The following DYNC1I2 variants were observed in gnomAD, a reference collection of about 807,000 sequenced individuals.
DYNC1I2 encodes dynein cytoplasmic 1 intermediate chain 2, also known as cytoplasmic dynein 1 intermediate chain 2.
A neutral mutation model predicts 88.6 loss-of-function variants in DYNC1I2; 53 were observed. The ratio of observed to expected loss-of-function variants is 0.60; its 90% CI spans 0.48 to 0.75. DYNC1I2 has a LOEUF of 0.75. DYNC1I2 is among the 30% of genes least tolerant of loss of function. The pLI is 0.00. For synonymous variants in DYNC1I2, 198 were observed against 254.6 expected, an observed-to-expected ratio of 0.78 and a Z score of 2.12; for missense variants, 458 against 766.6, an observed-to-expected ratio of 0.60 and a Z score of 4.75.
At chr2:171,730,635 G>T (rs1035325895) in intron 15 of DYNC1I2, among the ~76,000 whole-genome samples, 1 of 151,640 alleles carries the variant, frequency 6.6e-6, no homozygotes, top group Non-Finnish European at 1.5e-5. Flanking sequence ...GTTTTTCTGC[G>T]GTATTAACAT....
chr2:171,694,031 A>T (rs1685575752), intron 3 of DYNC1I2, among the ~76,000 whole-genome samples: 2 of 142,008 alleles, frequency 1.4e-5, no homozygotes, highest in African/African-American at 2.6e-5. Flanking sequence ...ACTTGTTCAT[A>T]TTTCTTTCTT....
At chr2:171,700,884 G>C (rs1054949212) in intron 3 of DYNC1I2, among the ~76,000 whole-genome samples, 1 of 152,104 alleles carries the variant, frequency 6.6e-6, no homozygotes, top group Non-Finnish European at 1.5e-5. Context: ...ACCCTACTCA[G>C]CCTCCCAAAG....
chr2:171,743,959 A>C lies in DYNC1I2; in HGVS notation c.1537-90A>C, dbSNP rs537387008. The C allele has an allele frequency of 3.5e-6, 4 of 1,158,444 alleles. No individual in the cohort carries two copies. The East Asian group carries it at 1.1e-4, about 32-fold the overall frequency. The allele number at this position is 1,158,444 out of a possible 1,614,324, so 71.8% of individuals were successfully genotyped here. A position where few individuals can be genotyped will look rare whatever the true frequency, so the allele number is the denominator to read the frequency against. On this transcript the variant is annotated intron_variant, in intron 15 of 17. Transcript: ENST00000397119. ...TCATAAAATGTTATCATACCTGTTG[A>C]ATGTATGTCATTTTTTTCCCAGTGA...
chr2:171,728,528 C>T lies in DYNC1I2; in HGVS notation c.1257+110C>T, dbSNP rs117466969. On this transcript the variant is annotated intron_variant, in intron 13 of 17. Transcript: ENST00000397119. ...CTGTTTTATAGTAGTGTTACAACAG[C>T]TTATAAGCTGAAACGTGTTTAATAT... 1.9e-5 allele frequency: 15 copies of T among 806,740 alleles called. No homozygotes were observed. In the East Asian group the frequency reaches 3.4e-4, roughly 18 times the overall value. 50.0% of individuals were successfully genotyped at this position (806,740 alleles called of 1,614,324 possible). A position where few individuals can be genotyped will look rare whatever the true frequency, so the allele number is the denominator to read the frequency against.
At position 171,687,606 on chromosome 2, in the gene DYNC1I2, AC is replaced by A. The variant is rs747024919; in HGVS notation, c.-29del. 6.6e-6 allele frequency: 1 copy of A among 152,072 alleles called. No homozygotes were observed. Among genetic ancestry groups the A allele is most frequent in the Non-Finnish European group, 1.5e-5 (1 of 68,032 alleles). The allele number at this position is 152,072 out of a possible 1,614,324, so 9.4% of individuals were successfully genotyped here. ...GTTGACTGGGTTCTTTGTTTTATCT[AC>A]CGGCTTCTGCTTTACGACAGGTAAG... On this transcript the variant is annotated 5_prime_UTR_variant, in exon 1 of 18. Transcript: ENST00000397119.
intron 15 of DYNC1I2, among the ~76,000 whole-genome samples, chr2:171,734,545 C>G (rs1688873471): frequency 6.6e-6 from 1 of 152,132 alleles, no homozygotes; most frequent in South Asian, 2.1e-4. Context: ...GGATACATGC[C>G]TCTCACCCTG....
intron 3 of DYNC1I2, among the ~76,000 whole-genome samples, chr2:171,698,725 C>T (rs376429134): frequency 6.6e-5 from 10 of 151,738 alleles, no homozygotes; most frequent in East Asian, 5.9e-4. Flanking sequence ...AAAAATTAGC[C>T]GAGTGTGGTG....
rs533231958 is a variant in DYNC1I2 at position 171,729,601 on chromosome 2, T to G, written c.1392-108T>G. ...GATAAGTTATGAGCACAGAGTTAAG[T>G]CTGTCAAAATGAAGTCAAGGCCTGA... On this transcript the variant is annotated intron_variant, in intron 14 of 17. Transcript: ENST00000397119. 8 of 1,139,032 alleles carry G rather than the reference T, an allele frequency of 7.0e-6. No homozygotes were observed. In the African/African-American group the frequency reaches 9.3e-5, roughly 13 times the overall value. The allele number at this position is 1,139,032 out of a possible 1,614,324, so 70.6% of individuals were successfully genotyped here. A position where few individuals can be genotyped will look rare whatever the true frequency, so the allele number is the denominator to read the frequency against.
intron 5 of DYNC1I2, 96 bp from the exon 6 acceptor site, chr2:171,712,671 A>G (rs1687204785): frequency 1.2e-6 from 1 of 869,268 alleles, no homozygotes; most frequent in Non-Finnish European, 1.8e-6. Flanking sequence ...TTAATTGTGA[A>G]TAGTACTTTA....
Position 171,699,762 on chromosome 2 carries a change from A to G in DYNC1I2, c.227-6785A>G, listed in dbSNP as rs1574518125. ...TCAAGTCCTCCTGCCTCAGCCTCCT[A>G]AGTAGCTGGGACTACAGGCAGGTAT... On this transcript the variant is annotated intron_variant, in intron 3 of 17. Coordinates refer to ENST00000397119, the MANE Select transcript of DYNC1I2 (RefSeq NM_001378.3). Among the ~76,000 whole-genome samples the G allele has an allele frequency of 4.0e-5, 6 of 151,824 alleles. 1 individual carries two copies. In the South Asian group the frequency reaches 1.3e-3, roughly 32 times the overall value.
intron 9 of DYNC1I2, 27 bp downstream of exon 9, chr2:171,726,108 G>C (rs757640523): frequency 5.1e-6 from 8 of 1,560,486 alleles, no homozygotes; most frequent in Non-Finnish European, 6.9e-6. Context: ...AAGATTTTTA[G>C]CTTCAATAAT....
intron 15 of DYNC1I2, among the ~76,000 whole-genome samples, chr2:171,738,501 C>G (rs1214545316): frequency 6.6e-6 from 1 of 152,116 alleles, no homozygotes; most frequent in Non-Finnish European, 1.5e-5. Flanking sequence ...CATTCTACTG[C>G]TGATGGTATT....
rs191350553 is a variant in DYNC1I2, at chr2:171,696,832, A to G, written c.226+3938A>G. ...GTTTTAATTACTGCACCTTTGTATT[A>G]TATTCTAATTTCTGATACAGAAAAT... On this transcript the variant is annotated intron_variant, in intron 3 of 17. Transcript: ENST00000397119. Among the ~76,000 whole-genome samples, 397 of 152,160 alleles carry G rather than the reference A, an allele frequency of 2.6e-3. 2 individuals carry two copies. The highest frequency in any genetic ancestry group is 3.5e-3 in the Non-Finnish European group (237 of 67,984).
At chr2:171,728,663 A>G in intron 13 of DYNC1I2, 54 bp from the exon 14 acceptor site, 1 of 1,436,626 alleles carries the variant, frequency 7.0e-7, no homozygotes, top group Non-Finnish European at 9.2e-7. Context: ...GTTTTTCTAC[A>G]GAAATTTAAA....
intron 3 of DYNC1I2, among the ~76,000 whole-genome samples, chr2:171,702,375 A>G (rs1177490665): frequency 6.6e-6 from 1 of 152,210 alleles, no homozygotes; most frequent in African/African-American, 2.4e-5. Context: ...GGCTAAGTGC[A>G]TTTCATAATC....
chr2:171,728,299 C>G lies in DYNC1I2; in HGVS notation c.1144-6C>G. On this transcript the variant is annotated splice_polypyrimidine_tract_variant and splice_region_variant and intron_variant, in intron 12 of 17. Coordinates refer to ENST00000397119, the MANE Select transcript of DYNC1I2 (RefSeq NM_001378.3). Reference sequence around the variant, plus strand: ...AATCCCTGAAAACTTTTTTTAATATCTCTAGCACCCTGTATATTGTGTAAA... The same window carrying G: ...AATCCCTGAAAACTTTTTTTAATATGTCTAGCACCCTGTATATTGTGTAAA... The G allele has an allele frequency of 6.4e-7, 1 of 1,551,744 alleles. No homozygotes were observed. The highest frequency in any genetic ancestry group is 8.7e-7 in the Non-Finnish European group (1 of 1,147,550).
At position 171,748,685 on chromosome 2, in the gene DYNC1I2, A is replaced by T. The variant is rs945037769; in HGVS notation, c.*796A>T. On this transcript the variant is annotated 3_prime_UTR_variant, in exon 18 of 18. Transcript: ENST00000397119. Reference sequence around the variant, plus strand: ...TTTCCATCTAAGACATATTTCCTTTAAAGGATAAATAGAAAGCTGCCTATA... The same window carrying T: ...TTTCCATCTAAGACATATTTCCTTTTAAGGATAAATAGAAAGCTGCCTATA... Among the ~76,000 whole-genome samples the T allele has an allele frequency of 6.6e-6, 1 of 152,222 alleles. No individual in the cohort carries two copies. The highest frequency in any genetic ancestry group is 2.4e-5 in the African/African-American group (1 of 41,474).
At position 171,749,709 on chromosome 2, in the gene DYNC1I2, T is replaced by G. The variant is rs1003468811; in HGVS notation, c.*1820T>G. Reference sequence around the variant, plus strand: ...AAAATTGTTTAAATATTTCACTTTTTGGGAATGACTTCTCCCCTACTCCCC... The same window carrying G: ...AAAATTGTTTAAATATTTCACTTTTGGGGAATGACTTCTCCCCTACTCCCC... On this transcript the variant is annotated 3_prime_UTR_variant, in exon 18 of 18. Transcript: ENST00000397119. 3.3e-5 allele frequency among the ~76,000 whole-genome samples: 5 copies of G among 152,200 alleles called. No individual in the cohort carries two copies. Among genetic ancestry groups the G allele is most frequent in the African/African-American group, 1.2e-4 (5 of 41,458 alleles).
intron 7 of DYNC1I2, among the ~76,000 whole-genome samples, chr2:171,720,065 T>C (rs983607579): frequency 6.6e-6 from 1 of 151,872 alleles, no homozygotes; most frequent in African/African-American, 2.4e-5. Context: ...TTTGAAAGAT[T>C]ATTAAAGGAA....
Sources: gnomAD v4.1 joint callset for allele counts (sites outside exome capture counted in the v4.1 genomes callset) on GRCh38, gnomAD v4.1.1 for gene constraint, MANE v1.5 for transcripts, NCBI Gene and HGNC (gene_info 2026-07-23, HGNC 2026-07-21) for gene names.